Variants in TUSC3 observed in about 807,000 individuals in gnomAD.
The protein encoded by TUSC3 is tumor suppressor candidate 3, also known as dolichyl-diphosphooligosaccharide--protein glycosyltransferase subunit TUSC3.
Under a neutral mutation model 44.8 loss-of-function variants are expected in TUSC3, and 45 were observed. That is an observed-to-expected ratio of 1.00 (90% CI 0.79 to 1.29). The LOEUF (loss-of-function observed/expected upper bound fraction) is 1.29. TUSC3 is among the 50% of genes most tolerant of loss of function. The probability of loss-of-function intolerance (pLI) is 0.00; values close to 1 mark genes in which losing one functional copy is unlikely to be tolerated. For missense variants in TUSC3, 519 were observed against 437.9 expected (o/e 1.19, Z -1.65); for synonymous variants, 212 against 152.9 (o/e 1.39, Z -2.85).
chr8:15,554,759 G>A (rs1479327580), intron 1 of TUSC3, among the ~76,000 whole-genome samples: 1 of 149,562 alleles, frequency 6.7e-6, no homozygotes, highest in Non-Finnish European at 1.5e-5. Context: ...CCCTCACCAC[G>A]CCCGGCTAAT....
intron 2 of TUSC3, among the ~76,000 whole-genome samples, chr8:15,501,615 G>A (rs1029232436): frequency 6.6e-6 from 1 of 152,138 alleles, no homozygotes; most frequent in Non-Finnish European, 1.5e-5. Context: ...ATGGTTTATG[G>A]CAATGGGCTT....
chr8:15,563,126 A>G (rs113066846), intron 1 of TUSC3, among the ~76,000 whole-genome samples: 121 of 152,248 alleles, frequency 7.9e-4, no homozygotes, highest in Middle Eastern at 3.4e-3. Context: ...ATAAACAGGC[A>G]TGACAGTCAA....
rs543807625 is a variant in TUSC3 at position 15,417,938 on chromosome 8, T to A, written n.91+633T>A. Among the ~76,000 whole-genome samples the A allele has an allele frequency of 1.3e-4, 20 of 152,262 alleles. 1 individual carries two copies. The South Asian group carries it at 3.8e-3, about 29-fold the overall frequency. ...CCGATATTAATGAGATGTGGGAAAG[T>A]TCTTTGCAACATTACAGAAACAATT... On this transcript the variant is annotated intron_variant and non_coding_transcript_variant, in intron 1 of 5. Transcript: ENST00000503191.
the TUSC3 span, among the ~76,000 whole-genome samples, chr8:15,779,010 A>G: frequency 1.3e-5 from 2 of 152,128 alleles, no homozygotes; most frequent in East Asian, 1.9e-4. Flanking sequence ...ATTCCTCAGC[A>G]CTAGGACTGG....
At chr8:15,657,052 C>G (rs1274977377) in intron 3 of TUSC3, among the ~76,000 whole-genome samples, 1 of 152,144 alleles carries the variant, frequency 6.6e-6, no homozygotes, top group East Asian at 1.9e-4. Context: ...CATAGATACC[C>G]CAGGTTTTCC....
chr8:15,594,547 G>A (rs1232256445), intron 1 of TUSC3, among the ~76,000 whole-genome samples: 1 of 152,150 alleles, frequency 6.6e-6, no homozygotes, highest in East Asian at 1.9e-4. Flanking sequence ...CAAGTATTTT[G>A]ATCCTTTAAG....
At chr8:15,742,023 C>A (rs145449979) in intron 7 of TUSC3, among the ~76,000 whole-genome samples, 1 of 152,070 alleles carries the variant, frequency 6.6e-6, no homozygotes, top group African/African-American at 2.4e-5. Flanking sequence ...AGTAGATGGT[C>A]CAAAACACTT....
At chr8:15,794,412 A>G in the TUSC3 span, among the ~76,000 whole-genome samples, 2 of 152,204 alleles carry the variant, frequency 1.3e-5, no homozygotes. Context: ...TTCCTCCCAA[A>G]TAGAGGGATA....
intron 1 of TUSC3, among the ~76,000 whole-genome samples, chr8:15,437,504 C>G (rs769615864): frequency 5.3e-5 from 8 of 152,100 alleles, no homozygotes; most frequent in Non-Finnish European, 8.8e-5. Context: ...TTGAAGGATG[C>G]AGCAATGAAA....
At chr8:15,445,744 T>C (rs945984193) in intron 1 of TUSC3, among the ~76,000 whole-genome samples, 1 of 152,220 alleles carries the variant, frequency 6.6e-6, no homozygotes, top group Non-Finnish European at 1.5e-5. Flanking sequence ...AACAATCTGA[T>C]CTCTGTTTCT....
intron 1 of TUSC3, among the ~76,000 whole-genome samples, chr8:15,560,276 T>G (rs1802410701): frequency 6.9e-6 from 1 of 144,566 alleles, no homozygotes. Flanking sequence ...TTAGTTTGGC[T>G]GGATATGAAA....
chr8:15,433,490 TC>T (rs2129117192), intron 1 of TUSC3, among the ~76,000 whole-genome samples: 1 of 152,212 alleles, frequency 6.6e-6, no homozygotes, highest in African/African-American at 2.4e-5. Context: ...TTGCCATTAT[TC>T]CTCAAATTTC....
At chr8:15,828,252 C>A in the TUSC3 span, among the ~76,000 whole-genome samples, 3 of 152,190 alleles carry the variant, frequency 2.0e-5, no homozygotes. Context: ...GCCTTGGCCT[C>A]CCGAAGTGCT....
chr8:15,805,111 T>C, the TUSC3 span, among the ~76,000 whole-genome samples: 6 of 152,158 alleles, frequency 3.9e-5, no homozygotes, highest in Non-Finnish European at 8.8e-5. Context: ...TGAGAACGTG[T>C]TCCTGATTTG....
chr8:15,752,425 T>A (rs1476596519), intron 9 of TUSC3, among the ~76,000 whole-genome samples: 1 of 152,090 alleles, frequency 6.6e-6, no homozygotes. Flanking sequence ...GGAAGATATA[T>A]ACACAAAAGG....
intron 1 of TUSC3, among the ~76,000 whole-genome samples, chr8:15,600,084 C>T (rs1201241445): frequency 6.6e-6 from 1 of 151,612 alleles, no homozygotes; most frequent in Admixed American, 6.6e-5. Context: ...GGCGGGACTT[C>T]TAGTATGATG....
upstream of TUSC3, among the ~76,000 whole-genome samples, chr8:15,538,061 T>A (rs939146885): frequency 1.3e-5 from 2 of 152,162 alleles, no homozygotes; most frequent in South Asian, 4.1e-4. Context: ...TGTAACTGAC[T>A]TATTAAAACC....
chr8:15,571,254 G>A (rs1024206219), intron 1 of TUSC3, among the ~76,000 whole-genome samples: 4 of 151,752 alleles, frequency 2.6e-5, no homozygotes, highest in Non-Finnish European at 5.9e-5. Flanking sequence ...GCTACCCACC[G>A]CTATTAATTT....
At chr8:15,628,074 C>G (rs938055508) in intron 2 of TUSC3, among the ~76,000 whole-genome samples, 6 of 152,070 alleles carry the variant, frequency 3.9e-5, no homozygotes, top group African/African-American at 1.4e-4. Context: ...TATATCAGTT[C>G]GTTTTCCCCT....
Sources: gnomAD v4.1 joint callset for allele counts (sites outside exome capture counted in the v4.1 genomes callset) on GRCh38, gnomAD v4.1.1 for gene constraint, MANE v1.5 for transcripts, NCBI Gene and HGNC (gene_info 2026-07-23, HGNC 2026-07-21) for gene names.